ASTN2: variants seen among roughly 807,000 people sequenced by gnomAD.
ASTN2 encodes the protein astrotactin 2.
In ASTN2, 54 loss-of-function variants were observed where a neutral mutation model predicts 139.8. The ratio of observed to expected loss-of-function variants is 0.39; its 90% CI spans 0.31 to 0.48. The LOEUF is 0.48. ASTN2 is among the 20% of genes least tolerant of loss of function. The probability of loss-of-function intolerance (pLI) is 0.95; values close to 1 mark genes in which losing one functional copy is unlikely to be tolerated. For missense variants in ASTN2, 1,565 were observed against 1,725.1 expected (o/e 0.91, Z 1.64); for synonymous variants, 756 against 719.5 (o/e 1.05, Z -0.81).
At chr9:116,608,357 T>TA (rs1855323917) in intron 19 of ASTN2, among the ~76,000 whole-genome samples, 1 of 152,152 alleles carries the variant, frequency 6.6e-6, no homozygotes, top group South Asian at 2.1e-4. Flanking sequence ...CAAGGGCCAG[T>TA]AATAGTGCCT....
At chr9:116,571,912 T>C (rs1588023191) in intron 19 of ASTN2, among the ~76,000 whole-genome samples, 1 of 152,144 alleles carries the variant, frequency 6.6e-6, no homozygotes, top group East Asian at 1.9e-4. Context: ...TGTTTATATG[T>C]GTTGGTATCT....
chr9:117,386,443 C>T (rs1830402560), intron 1 of ASTN2, among the ~76,000 whole-genome samples: 1 of 152,192 alleles, frequency 6.6e-6, no homozygotes, highest in Admixed American at 6.5e-5. Flanking sequence ...GACCTAGGAA[C>T]ATGGTGCTCT....
chr9:117,275,543 TG>T (rs1219412025), intron 2 of ASTN2, among the ~76,000 whole-genome samples: 1 of 150,686 alleles, frequency 6.6e-6, no homozygotes, highest in Non-Finnish European at 1.5e-5. Context: ...GTGCTTTCAC[TG>T]ATGTCTTTTA....
intron 6 of ASTN2, among the ~76,000 whole-genome samples, chr9:117,017,863 T>TA (rs1240585558): frequency 6.6e-6 from 1 of 151,956 alleles, no homozygotes; most frequent in Non-Finnish European, 1.5e-5. Context: ...TAAGCACAGA[T>TA]AATTCTGTCA....
intron 10 of ASTN2, among the ~76,000 whole-genome samples, chr9:116,921,101 T>C (rs1834592092): frequency 6.6e-6 from 1 of 152,124 alleles, no homozygotes; most frequent in Admixed American, 6.5e-5. Flanking sequence ...AGTGGGAGCA[T>C]ACATCTGACA....
At chr9:116,642,556 G>A (rs900966566) in intron 17 of ASTN2, among the ~76,000 whole-genome samples, 1 of 152,006 alleles carries the variant, frequency 6.6e-6, no homozygotes, top group Non-Finnish European at 1.5e-5. Context: ...CCATCTAACT[G>A]ACACTGACCC....
At chr9:117,126,255 G>A (rs73657662) in intron 4 of ASTN2, among the ~76,000 whole-genome samples, 1,744 of 152,242 alleles carry the variant, frequency 0.011, 33 homozygotes, top group Middle Eastern at 0.075. Flanking sequence ...ATCCCACACA[G>A]GTAATGTGAA....
chr9:117,145,786 C>A (rs1564448593), intron 3 of ASTN2, among the ~76,000 whole-genome samples: 1 of 152,148 alleles, frequency 6.6e-6, no homozygotes, highest in Non-Finnish European at 1.5e-5. Flanking sequence ...CTTTGTCTAG[C>A]TGGGACCTTG....
At chr9:117,304,266 C>A (rs1219463716) in intron 1 of ASTN2, among the ~76,000 whole-genome samples, 1 of 152,208 alleles carries the variant, frequency 6.6e-6, no homozygotes, top group East Asian at 1.9e-4. Context: ...CTCCTTTATG[C>A]AGCATCCCCC....
At chr9:117,119,426 C>T (rs892495053) in intron 4 of ASTN2, among the ~76,000 whole-genome samples, 1 of 152,150 alleles carries the variant, frequency 6.6e-6, no homozygotes, top group African/African-American at 2.4e-5. Flanking sequence ...AAGGAGGCCC[C>T]TATCATGTGT....
chr9:116,959,873 A>C (rs1835827628), intron 10 of ASTN2, among the ~76,000 whole-genome samples: 1 of 152,052 alleles, frequency 6.6e-6, no homozygotes, highest in Non-Finnish European at 1.5e-5. Flanking sequence ...CGGAGAATAC[A>C]TCCTTTCTCC....
At chr9:116,795,567 C>G (rs962270452) in intron 13 of ASTN2, among the ~76,000 whole-genome samples, 8 of 152,220 alleles carry the variant, frequency 5.3e-5, no homozygotes, top group African/African-American at 1.9e-4. Flanking sequence ...ACCCCCAGAG[C>G]ATGAAGGGCT....
chr9:116,595,568 G>A (rs1029572228), intron 19 of ASTN2, among the ~76,000 whole-genome samples: 2 of 152,094 alleles, frequency 1.3e-5, no homozygotes, highest in African/African-American at 2.4e-5. Flanking sequence ...CTCATGGTCC[G>A]CCCACCTCAA....
intron 11 of ASTN2, among the ~76,000 whole-genome samples, chr9:116,857,473 G>A (rs894432196): frequency 1.3e-5 from 2 of 152,288 alleles, no homozygotes; most frequent in Middle Eastern, 3.4e-3. Context: ...AACTCTTGTG[G>A]TGTTTTGCTC....
At chr9:116,454,390 AG>A (rs1848264507) in intron 20 of ASTN2, among the ~76,000 whole-genome samples, 1 of 152,152 alleles carries the variant, frequency 6.6e-6, no homozygotes, top group South Asian at 2.1e-4. Context: ...CAATTCATCA[AG>A]GAAAAAAAAA....
At chr9:117,113,935 A>G (rs1829312691) in intron 4 of ASTN2, among the ~76,000 whole-genome samples, 1 of 152,322 alleles carries the variant, frequency 6.6e-6, no homozygotes, top group South Asian at 2.1e-4. Flanking sequence ...TGGTGTATAC[A>G]TCTTTCAAAA....
intron 16 of ASTN2, among the ~76,000 whole-genome samples, chr9:116,696,066 G>A (rs558962253): frequency 3.3e-5 from 5 of 152,002 alleles, no homozygotes; most frequent in South Asian, 2.1e-4. Context: ...CATTATCCCC[G>A]TCTTCTCTGA....
intron 10 of ASTN2, among the ~76,000 whole-genome samples, chr9:116,950,844 G>A (rs2132485721): frequency 6.6e-6 from 1 of 152,298 alleles, no homozygotes; most frequent in East Asian, 1.9e-4. Context: ...TGCAGTAAGT[G>A]TCCTTGGCTG....
At chr9:116,813,221 C>A (rs1356901680) in intron 12 of ASTN2, among the ~76,000 whole-genome samples, 26 of 152,062 alleles carry the variant, frequency 1.7e-4, no homozygotes, top group Admixed American at 1.4e-3. Flanking sequence ...GGCATTTTAG[C>A]TGAAGGCAAT....
Sources: gnomAD v4.1 joint callset for allele counts (sites outside exome capture counted in the v4.1 genomes callset) on GRCh38, gnomAD v4.1.1 for gene constraint, MANE v1.5 for transcripts, NCBI Gene and HGNC (gene_info 2026-07-23, HGNC 2026-07-21) for gene names.